ANKS1B: variants seen among roughly 807,000 people sequenced by gnomAD.
ANKS1B encodes ankyrin repeat and sterile alpha motif domain containing 1B, also known as ankyrin repeat and sterile alpha motif domain-containing protein 1B.
In ANKS1B, 36 loss-of-function variants were observed where a neutral mutation model predicts 148.3. The ratio of observed to expected loss-of-function variants is 0.24; its 90% confidence interval spans 0.19 to 0.32. The LOEUF (loss-of-function observed/expected upper bound fraction) is 0.32. Ranked by LOEUF, ANKS1B falls within the 10% of genes least tolerant of loss-of-function variation. The pLI is 1.00. For synonymous variants in ANKS1B, 542 were observed against 560.8 expected (o/e 0.97, Z 0.47); for missense variants, 1,157 against 1,542.6 (o/e 0.75, Z 4.19).
intron 14 of ANKS1B, among the ~76,000 whole-genome samples, chr12:99,184,496 T>C (rs763157997): frequency 2.0e-5 from 3 of 152,212 alleles, no homozygotes; most frequent in Non-Finnish European, 4.4e-5. Context: ...GAGATCTAGA[T>C]TCCAATTCCA....
intron 17 of ANKS1B, among the ~76,000 whole-genome samples, chr12:99,012,913 C>T (rs1185852142): frequency 2.6e-5 from 4 of 152,138 alleles, no homozygotes; most frequent in African/African-American, 9.7e-5. Flanking sequence ...GGTCTTTTCT[C>T]CCTCATTCCC....
At chr12:99,787,902 G>A (rs182975949) in intron 4 of ANKS1B, among the ~76,000 whole-genome samples, 138 of 152,284 alleles carry the variant, frequency 9.1e-4, no homozygotes, top group Admixed American at 1.4e-3. Flanking sequence ...GTGGGGTTCC[G>A]CCAGTGCCCA....
chr12:99,873,438 G>A (rs571304900), intron 1 of ANKS1B, among the ~76,000 whole-genome samples: 8 of 152,290 alleles, frequency 5.3e-5, no homozygotes, highest in African/African-American at 1.9e-4. Context: ...AGGAAGAGGA[G>A]TTTAACTGCT....
intron 14 of ANKS1B, among the ~76,000 whole-genome samples, chr12:99,167,861 C>A (rs951848943): frequency 6.6e-6 from 1 of 152,148 alleles, no homozygotes; most frequent in Non-Finnish European, 1.5e-5. Context: ...GAATATTACT[C>A]AGCAATAAAA....
chr12:99,124,877 G>A (rs2063868015), intron 15 of ANKS1B, among the ~76,000 whole-genome samples: 1 of 152,120 alleles, frequency 6.6e-6, no homozygotes, highest in South Asian at 2.1e-4. Flanking sequence ...ATAAAATGAG[G>A]GCTGAGAATT....
chr12:99,422,884 G>A (rs373969103), intron 11 of ANKS1B, among the ~76,000 whole-genome samples: 5 of 152,240 alleles, frequency 3.3e-5, no homozygotes, highest in East Asian at 3.9e-4. Context: ...AGGTAAGGGT[G>A]GAATTTAGAG....
intron 19 of ANKS1B, among the ~76,000 whole-genome samples, chr12:98,825,289 T>C (rs1374657080): frequency 6.6e-6 from 1 of 152,180 alleles, no homozygotes; most frequent in Non-Finnish European, 1.5e-5. Context: ...AGAACTAAAA[T>C]GTAATATACA....
At chr12:99,412,884 T>C (rs1317479596) in intron 11 of ANKS1B, among the ~76,000 whole-genome samples, 1 of 152,186 alleles carries the variant, frequency 6.6e-6, no homozygotes, top group African/African-American at 2.4e-5. Context: ...AAATGGAAAA[T>C]TATTATATTT....
chr12:99,388,599 C>A (rs1029218803), intron 12 of ANKS1B, among the ~76,000 whole-genome samples: 1 of 152,166 alleles, frequency 6.6e-6, no homozygotes, highest in Non-Finnish European at 1.5e-5. Flanking sequence ...TAGTGGCTTA[C>A]AAGAGCATGC....
intron 17 of ANKS1B, among the ~76,000 whole-genome samples, chr12:99,052,178 TAAC>T (rs1322996094): frequency 6.6e-6 from 1 of 152,168 alleles, no homozygotes; most frequent in Non-Finnish European, 1.5e-5. Context: ...TGCTAGAAAA[TAAC>T]AAAAGTAAAA....
At chr12:99,015,921 G>A (rs372230237) in intron 17 of ANKS1B, among the ~76,000 whole-genome samples, 95 of 152,094 alleles carry the variant, frequency 6.2e-4, no homozygotes, top group African/African-American at 2.2e-3. Context: ...GTAGATCTAT[G>A]GTCATTCAGT....
At chr12:99,016,652 C>T (rs4762538) in intron 17 of ANKS1B, among the ~76,000 whole-genome samples, 41,095 of 151,880 alleles carry the variant, frequency 0.27, 5,917 homozygotes, top group South Asian at 0.38. Flanking sequence ...TGAGGCTTTC[C>T]CTCTCTCAAA....
At chr12:99,707,166 C>G (rs978129623) in intron 8 of ANKS1B, among the ~76,000 whole-genome samples, 2 of 152,032 alleles carry the variant, frequency 1.3e-5, no homozygotes, top group Non-Finnish European at 2.9e-5. Context: ...TGTTACAAAA[C>G]AAAGATTGTT....
chr12:99,741,690 A>C (rs2060128472), intron 8 of ANKS1B, among the ~76,000 whole-genome samples: 1 of 152,150 alleles, frequency 6.6e-6, no homozygotes, highest in African/African-American at 2.4e-5. Flanking sequence ...GTGGAAGTTG[A>C]ACAATGAGAA....
At chr12:99,042,282 G>T (rs868762254) in intron 17 of ANKS1B, among the ~76,000 whole-genome samples, 1 of 152,146 alleles carries the variant, frequency 6.6e-6, no homozygotes, top group Non-Finnish European at 1.5e-5. Context: ...GTAAAAAAGC[G>T]CTTGCTCATT....
At chr12:98,908,106 A>C (rs914021960) in intron 17 of ANKS1B, among the ~76,000 whole-genome samples, 6 of 152,190 alleles carry the variant, frequency 3.9e-5, no homozygotes, top group African/African-American at 9.6e-5. Flanking sequence ...CTCAAGTACC[A>C]AGCACATCCT....
chr12:99,899,922 G>A (rs1283375535), intron 1 of ANKS1B, among the ~76,000 whole-genome samples: 1 of 150,584 alleles, frequency 6.6e-6, no homozygotes, highest in Non-Finnish European at 1.5e-5. Context: ...TCTTTTAGAT[G>A]GAATCTCGCT....
At chr12:98,899,268 G>A (rs1011402197) in intron 17 of ANKS1B, among the ~76,000 whole-genome samples, 1 of 152,170 alleles carries the variant, frequency 6.6e-6, no homozygotes, top group Non-Finnish European at 1.5e-5. Context: ...ATATGAATGT[G>A]ATAATAATGT....
intron 9 of ANKS1B, among the ~76,000 whole-genome samples, chr12:99,556,401 T>A (rs1314277790): frequency 6.6e-6 from 1 of 152,070 alleles, no homozygotes; most frequent in Non-Finnish European, 1.5e-5. Context: ...ATTCAGTGAT[T>A]TTTTTTGGGG....
Sources: allele counts gnomAD v4.1 joint callset (sites outside exome capture counted in the v4.1 genomes callset), GRCh38; gene constraint gnomAD v4.1.1; transcripts MANE v1.5; gene names NCBI Gene and HGNC (gene_info 2026-07-23, HGNC 2026-07-21).